The following TENM2 variants were observed in gnomAD, a reference collection of about 807,000 sequenced individuals.
TENM2 encodes the protein teneurin transmembrane protein 2, also known as teneurin-2.
Under a neutral mutation model 245.2 loss-of-function variants are expected in TENM2, and 52 were observed. The observed-to-expected ratio is 0.21, with a 90% CI of 0.17 to 0.27. The LOEUF is 0.27. TENM2 is among the 10% of genes least tolerant of loss of function. TENM2 has a pLI of 1.00. For missense variants in TENM2, 3,046 were observed against 3,666.8 expected (o/e 0.83, Z 4.37); for synonymous variants, 1,363 against 1,438.9 (o/e 0.95, Z 1.19).
chr5:167,255,538 T>C, the TENM2 span, among the ~76,000 whole-genome samples: 1 of 152,188 alleles, frequency 6.6e-6, no homozygotes, highest in Non-Finnish European at 1.5e-5. Context: ...CCTGCCCTCT[T>C]TTCCTTCTTG....
chr5:167,396,923 A>T (rs1762085458), intron 2 of TENM2, among the ~76,000 whole-genome samples: 1 of 152,118 alleles, frequency 6.6e-6, no homozygotes, highest in African/African-American at 2.4e-5. Context: ...GGTTAGAAGA[A>T]CCAGCAAAAG....
intron 2 of TENM2, among the ~76,000 whole-genome samples, chr5:167,640,428 G>A (rs528609030): frequency 6.6e-6 from 1 of 152,150 alleles, no homozygotes; most frequent in Non-Finnish European, 1.5e-5. Flanking sequence ...GACCAGCCTG[G>A]CCAACATGGC....
At chr5:168,158,827 G>GTA (rs1321504794) in intron 12 of TENM2, among the ~76,000 whole-genome samples, 5 of 69,468 alleles carry the variant, frequency 7.2e-5, no homozygotes, top group African/African-American at 1.2e-4. Context: ...GTGTGTGTGT[G>GTA]TGTATATATA....
intron 1 of TENM2, among the ~76,000 whole-genome samples, chr5:167,314,370 C>T (rs1756226040): frequency 6.6e-6 from 1 of 152,112 alleles, no homozygotes; most frequent in Non-Finnish European, 1.5e-5. Context: ...ATCACAACTG[C>T]AATGCTGTGT....
intron 6 of TENM2, among the ~76,000 whole-genome samples, chr5:168,051,653 T>C (rs566740646): frequency 7.0e-4 from 107 of 152,308 alleles, no homozygotes; most frequent in Admixed American, 2.1e-3. Flanking sequence ...AGATGCACTA[T>C]AATATAGGAT....
At chr5:168,113,807 G>A (rs1471227028) in intron 9 of TENM2, among the ~76,000 whole-genome samples, 2 of 152,126 alleles carry the variant, frequency 1.3e-5, no homozygotes, top group African/African-American at 4.8e-5. Context: ...AACAGGAATA[G>A]TCAATTTGTA....
intron 2 of TENM2, among the ~76,000 whole-genome samples, chr5:167,541,771 A>G (rs915807210): frequency 2.6e-5 from 4 of 152,188 alleles, no homozygotes; most frequent in Non-Finnish European, 5.9e-5. Context: ...CTCTGAAACA[A>G]TGTGCATTAG....
In TENM2 at chr5:167,837,067, T is replaced by TACACAC. The variant is rs3082486; in HGVS notation, c.503-38893_503-38888dup. On this transcript the variant is annotated intron_variant, in intron 2 of 28. Transcript: ENST00000518659. ...TTTATAGTATATATGTATGCCTAAG[T>TACACAC]ACACACACACACACACACACACACA... Among the ~76,000 whole-genome samples, 677 of 149,534 alleles carry TACACAC rather than the reference T, an allele frequency of 4.5e-3. 5 individuals are homozygous for TACACAC. Among genetic ancestry groups the TACACAC allele is most frequent in the African/African-American group, 0.015 (629 of 40,768 alleles).
chr5:167,341,784 C>T (rs1758113743), intron 1 of TENM2, among the ~76,000 whole-genome samples: 1 of 151,956 alleles, frequency 6.6e-6, no homozygotes, highest in Non-Finnish European at 1.5e-5. Flanking sequence ...AGAATGGCTC[C>T]CATGCCTGAG....
At chr5:167,572,063 C>T (rs1423918553) in intron 2 of TENM2, among the ~76,000 whole-genome samples, 2 of 152,236 alleles carry the variant, frequency 1.3e-5, no homozygotes, top group African/African-American at 4.8e-5. Context: ...TCTCCATTCT[C>T]TGCTCTGCCT....
At chr5:168,005,987 A>G (rs1486102819) in intron 5 of TENM2, among the ~76,000 whole-genome samples, 1 of 152,110 alleles carries the variant, frequency 6.6e-6, no homozygotes, top group Non-Finnish European at 1.5e-5. Flanking sequence ...AGCTAGAGAG[A>G]ATTATAGTTT....
At chr5:168,104,546 G>T (rs2617969) in intron 9 of TENM2, among the ~76,000 whole-genome samples, 4 of 152,164 alleles carry the variant, frequency 2.6e-5, no homozygotes, top group African/African-American at 9.6e-5. Flanking sequence ...ACATCCAAGC[G>T]ACCGGGTATG....
intron 2 of TENM2, among the ~76,000 whole-genome samples, chr5:167,395,857 C>G (rs1762020423): frequency 6.6e-6 from 1 of 152,050 alleles, no homozygotes; most frequent in Non-Finnish European, 1.5e-5. Context: ...TGAAAAGACA[C>G]TCAACATCAC....
chr5:167,670,498 CA>C (rs1234559134), intron 2 of TENM2, among the ~76,000 whole-genome samples: 2 of 123,872 alleles, frequency 1.6e-5, no homozygotes, highest in Non-Finnish European at 3.1e-5. Flanking sequence ...TCTCTCATCA[CA>C]TTTTTTTTTC....
intron 2 of TENM2, among the ~76,000 whole-genome samples, chr5:167,534,961 C>T (rs961839129): frequency 6.6e-6 from 1 of 152,064 alleles, no homozygotes; most frequent in African/African-American, 2.4e-5. Flanking sequence ...TGTCAGTTGG[C>T]AGCATGTTGT....
intron 2 of TENM2, among the ~76,000 whole-genome samples, chr5:167,679,338 G>A (rs996360083): frequency 3.9e-5 from 6 of 151,972 alleles, no homozygotes; most frequent in African/African-American, 1.5e-4. Flanking sequence ...AATAAAGTAG[G>A]TAATTCATTA....
intron 3 of TENM2, among the ~76,000 whole-genome samples, chr5:167,902,217 T>C (rs923747164): frequency 9.9e-5 from 15 of 152,152 alleles, no homozygotes; most frequent in Non-Finnish European, 2.1e-4. Flanking sequence ...CCCAAGAAGC[T>C]GCAGTGAGTA....
the TENM2 span, among the ~76,000 whole-genome samples, chr5:167,226,655 C>T: frequency 6.6e-6 from 1 of 151,924 alleles, no homozygotes; most frequent in Admixed American, 6.6e-5. Context: ...GTATATTTTG[C>T]AGTTGCTGAA....
intron 1 of TENM2, among the ~76,000 whole-genome samples, chr5:167,312,342 C>A (rs1022672610): frequency 1.3e-5 from 2 of 152,112 alleles, no homozygotes; most frequent in Non-Finnish European, 1.5e-5. Context: ...ACAATAAATA[C>A]AATGCTTTAT....
Sources: allele counts gnomAD v4.1 joint callset (sites outside exome capture counted in the v4.1 genomes callset), GRCh38; gene constraint gnomAD v4.1.1; transcripts MANE v1.5; gene names NCBI Gene and HGNC (gene_info 2026-07-23, HGNC 2026-07-21).